Variants in TOX observed in about 807,000 individuals in gnomAD.
The protein encoded by TOX is thymocyte selection-associated high mobility group box protein TOX.
TOX carries 11 observed loss-of-function variants against 53.7 expected under a neutral mutation model. The ratio of observed to expected loss-of-function variants is 0.20; its 90% CI spans 0.13 to 0.34. The LOEUF (loss-of-function observed/expected upper bound fraction) is 0.34, where lower values mean the gene tolerates loss of function less well. Ranked by LOEUF, TOX falls within the 10% of genes least tolerant of loss-of-function variation. The probability of loss-of-function intolerance (pLI) is 1.00; values close to 1 mark genes in which losing one functional copy is unlikely to be tolerated. For synonymous variants in TOX, 225 were observed against 245.3 expected, an observed-to-expected ratio of 0.92 and a Z score of 0.77; for missense variants, 570 against 664.6, an observed-to-expected ratio of 0.86 and a Z score of 1.56.
intron 3 of TOX, among the ~76,000 whole-genome samples, chr8:58,890,940 A>G (rs1195879923): frequency 6.6e-6 from 1 of 152,164 alleles, no homozygotes; most frequent in Admixed American, 6.6e-5. Context: ...TCATAGAGCC[A>G]GAATCACAGC....
intron 3 of TOX, among the ~76,000 whole-genome samples, chr8:58,890,755 G>A (rs550523814): frequency 1.3e-5 from 2 of 152,270 alleles, no homozygotes; most frequent in East Asian, 3.9e-4. Flanking sequence ...TGTTCACCAA[G>A]CATTTGAAGT....
chr8:59,091,881 T>C (rs1804613191), intron 1 of TOX, among the ~76,000 whole-genome samples: 1 of 152,158 alleles, frequency 6.6e-6, no homozygotes, highest in Non-Finnish European at 1.5e-5. Flanking sequence ...TCAAACTTCT[T>C]CTAAGAAGCT....
At chr8:59,001,547 A>G (rs1162139116) in intron 1 of TOX, among the ~76,000 whole-genome samples, 1 of 152,226 alleles carries the variant, frequency 6.6e-6, no homozygotes, top group Non-Finnish European at 1.5e-5. Context: ...TGTCTTACTC[A>G]GTTATGTAAG....
chr8:58,939,252 C>T (rs1227070091), intron 3 of TOX, 50 bp downstream of exon 3: 1 of 1,604,264 alleles, frequency 6.2e-7, no homozygotes, highest in Admixed American at 1.7e-5. Context: ...TGGTCCTTGT[C>T]CTTATGGTAT....
intron 1 of TOX, among the ~76,000 whole-genome samples, chr8:58,982,905 C>G (rs906923407): frequency 3.3e-5 from 5 of 152,172 alleles, no homozygotes; most frequent in African/African-American, 1.2e-4. Flanking sequence ...GAAGCCAAAC[C>G]AATGTGCTCT....
intron 5 of TOX, among the ~76,000 whole-genome samples, chr8:58,832,175 T>TATATATAATATATGTAATATATGTA (rs1563364823): frequency 7.6e-5 from 4 of 52,708 alleles, no homozygotes; most frequent in Non-Finnish European, 1.7e-4. Context: ...ATATATGTAA[T>TATATATAATATATGTAATATATGTA]ATATATATAA....
intron 2 of TOX, 86 bp downstream of exon 2, chr8:58,959,857 C>A (rs1812772439): frequency 3.7e-6 from 5 of 1,344,056 alleles, no homozygotes; most frequent in Non-Finnish European, 3.2e-6. Context: ...GCGGCAGTTA[C>A]TGATAGTGCT....
At chr8:58,828,709 G>GATTT (rs1810403778) in intron 5 of TOX, among the ~76,000 whole-genome samples, 1 of 151,950 alleles carries the variant, frequency 6.6e-6, no homozygotes, top group African/African-American at 2.4e-5. Context: ...GCTTTTCATT[G>GATTT]ATTTATTTTT....
At chr8:58,923,395 G>A (rs1471848180) in intron 3 of TOX, among the ~76,000 whole-genome samples, 1 of 152,150 alleles carries the variant, frequency 6.6e-6, no homozygotes, top group African/African-American at 2.4e-5. Context: ...TGGAGTGACA[G>A]AAATAAGATG....
chr8:58,910,127 C>T (rs1174707272), intron 3 of TOX, among the ~76,000 whole-genome samples: 1 of 152,064 alleles, frequency 6.6e-6, no homozygotes, highest in East Asian at 1.9e-4. Context: ...CAGTAATACA[C>T]AAATTTGAAT....
chr8:58,990,365 T>A (rs1232349226), intron 1 of TOX, among the ~76,000 whole-genome samples: 2 of 152,062 alleles, frequency 1.3e-5, no homozygotes, highest in Non-Finnish European at 2.9e-5. Context: ...TACTCTAATA[T>A]CCTTCTAGTA....
chr8:59,040,783 G>A (rs1435410004), intron 1 of TOX, among the ~76,000 whole-genome samples: 1 of 152,222 alleles, frequency 6.6e-6, no homozygotes. Flanking sequence ...GCTACTCACT[G>A]CCTTAGGAGC....
chr8:58,977,341 G>A (rs1295738944), intron 1 of TOX, among the ~76,000 whole-genome samples: 1 of 152,160 alleles, frequency 6.6e-6, no homozygotes, highest in Non-Finnish European at 1.5e-5. Flanking sequence ...TTATAGAATT[G>A]AAGAGAGGTA....
At chr8:58,906,316 A>C (rs1483807685) in intron 3 of TOX, among the ~76,000 whole-genome samples, 1 of 152,222 alleles carries the variant, frequency 6.6e-6, no homozygotes, top group Non-Finnish European at 1.5e-5. Context: ...AAGAAGAAAA[A>C]ATAAAAAATA....
Position 59,072,889 on chromosome 8 carries a change from CTTGGTATTATT to C in TOX, c.102+45986_102+45996del, listed in dbSNP as rs1804223196. On this transcript the variant is annotated intron_variant, in intron 1 of 8. Transcript: ENST00000361421. ...AATTTCCAGAATGTCTTATACTTTG[CTTGGTATTATT>C]TAAAATTGTTCTTGAATTTAAATAC... 2.0e-5 allele frequency among the ~76,000 whole-genome samples: 3 copies of C among 152,086 alleles called. No homozygotes were observed. In the South Asian group the frequency reaches 6.2e-4, roughly 31 times the overall value.
At chr8:59,066,440 G>A (rs187782384) in intron 1 of TOX, among the ~76,000 whole-genome samples, 13 of 151,998 alleles carry the variant, frequency 8.6e-5, no homozygotes, top group Non-Finnish European at 1.5e-5. Context: ...ATGTTCTTAC[G>A]ATCTTAACAA....
intron 5 of TOX, among the ~76,000 whole-genome samples, chr8:58,837,522 A>G (rs1225342407): frequency 1.3e-5 from 2 of 152,162 alleles, no homozygotes; most frequent in Admixed American, 6.5e-5. Context: ...CAGTCACACC[A>G]GGGCAATACA....
intron 2 of TOX, among the ~76,000 whole-genome samples, chr8:58,943,035 T>C (rs1203029983): frequency 6.6e-6 from 1 of 152,216 alleles, no homozygotes; most frequent in African/African-American, 2.4e-5. Context: ...CTTTTCTTTG[T>C]AAATCACCCA....
chr8:58,966,162 T>C (rs1327508769), intron 1 of TOX, among the ~76,000 whole-genome samples: 1 of 152,052 alleles, frequency 6.6e-6, no homozygotes, highest in Non-Finnish European at 1.5e-5. Context: ...GAGGTGTCTA[T>C]TTATCTGCTA....
Sources: gnomAD v4.1 joint callset for allele counts (sites outside exome capture counted in the v4.1 genomes callset) on GRCh38, gnomAD v4.1.1 for gene constraint, MANE v1.5 for transcripts, NCBI Gene and HGNC (gene_info 2026-07-23, HGNC 2026-07-21) for gene names.